XPO4: variants seen among roughly 807,000 people sequenced by gnomAD.
The protein encoded by XPO4 is exportin 4.
Under a neutral mutation model 143.0 loss-of-function variants are expected in XPO4, and 39 were observed. That is an observed-to-expected ratio of 0.27 (90% CI 0.21 to 0.36). The LOEUF is 0.36. XPO4 is among the 10% of genes least tolerant of loss of function. The pLI is 1.00. For synonymous variants in XPO4, 439 were observed against 474.0 expected (o/e 0.93, Z 0.96); for missense variants, 907 against 1,348.0 (o/e 0.67, Z 5.12).
At chr13:20,795,188 T>C (rs1416832461) in intron 18 of XPO4, among the ~76,000 whole-genome samples, 1 of 152,122 alleles carries the variant, frequency 6.6e-6, no homozygotes, top group South Asian at 2.1e-4. Flanking sequence ...GCACAACATA[T>C]AATAGGAGAG....
At chr13:20,850,901 T>C in intron 4 of XPO4, 1 of 985,032 alleles carries the variant, frequency 1.0e-6, no homozygotes, top group Non-Finnish European at 1.2e-6. Flanking sequence ...AAATTAGTTA[T>C]CTAATTTAAT....
At chr13:20,897,889 G>A (rs533189175) in intron 1 of XPO4, among the ~76,000 whole-genome samples, 3 of 152,036 alleles carry the variant, frequency 2.0e-5, no homozygotes, top group African/African-American at 7.2e-5. Context: ...CTGGGATTAC[G>A]TTATAGGTAT....
chr13:20,808,283 A>T (rs1484786822), intron 12 of XPO4, among the ~76,000 whole-genome samples, 153 bp downstream of exon 12: 2 of 152,218 alleles, frequency 1.3e-5, no homozygotes, highest in Non-Finnish European at 2.9e-5. Context: ...AGTATTTTTT[A>T]AAAATGCATC....
chr13:20,790,317 C>T (rs776957833), intron 19 of XPO4, 145 bp downstream of exon 19: 3 of 661,286 alleles, frequency 4.5e-6, no homozygotes, highest in East Asian at 2.7e-5. Context: ...CACAAGTAAC[C>T]GTTAATGAAA....
At chr13:20,898,117 AATG>A (rs1429438077) in intron 1 of XPO4, among the ~76,000 whole-genome samples, 29 of 152,318 alleles carry the variant, frequency 1.9e-4, no homozygotes, top group African/African-American at 7.0e-4. Context: ...CTGATATGAG[AATG>A]AAGACAAAAA....
chr13:20,899,120 G>A (rs962581537), intron 1 of XPO4, among the ~76,000 whole-genome samples: 3 of 152,112 alleles, frequency 2.0e-5, no homozygotes, highest in African/African-American at 7.2e-5. Flanking sequence ...GGATCGGGGG[G>A]ACTTAAGTAT....
chr13:20,855,962 C>T (rs1406586527), intron 3 of XPO4, among the ~76,000 whole-genome samples, 197 bp from the exon 4 acceptor site: 1 of 152,220 alleles, frequency 6.6e-6, no homozygotes, highest in Non-Finnish European at 1.5e-5. Flanking sequence ...GCTGTATGAC[C>T]CTGGGCAAGA....
chr13:20,891,122 T>TAA lies in XPO4; in HGVS notation c.69+11546_69+11547dup, dbSNP rs57528913. On this transcript the variant is annotated intron_variant, in intron 1 of 22. Transcript: ENST00000255305. Reference sequence around the variant, plus strand: ...ACAAGAGCAAAACTCCATCTCAATTTAAAAAAAAAAAAAAAAAAAAAAAAA... The same window carrying TAA: ...ACAAGAGCAAAACTCCATCTCAATTTAAAAAAAAAAAAAAAAAAAAAAAAAAA... 2.6e-3 allele frequency among the ~76,000 whole-genome samples: 226 copies of TAA among 86,006 alleles called. 3 individuals carry two copies. Among genetic ancestry groups the TAA allele is most frequent in the East Asian group, 7.9e-3 (17 of 2,146 alleles). The allele number at this position is 86,006 out of a possible 152,430, so 56.4% of individuals were successfully genotyped here.
intron 9 of XPO4, among the ~76,000 whole-genome samples, chr13:20,814,828 T>C (rs551525021): frequency 5.3e-5 from 8 of 152,348 alleles, no homozygotes; most frequent in East Asian, 1.9e-4. Context: ...CAAATTATGA[T>C]ATCAGCACTT....
At chr13:20,866,291 C>G (rs573936993) in intron 2 of XPO4, 26 of 984,018 alleles carry the variant, frequency 2.6e-5, no homozygotes, top group Non-Finnish European at 3.1e-5. Context: ...AGAATGAAAA[C>G]AAAAGGATAA....
intron 7 of XPO4, among the ~76,000 whole-genome samples, chr13:20,825,296 T>A (rs9315900): frequency 0.093 from 14,204 of 152,224 alleles, 824 homozygotes; most frequent in Non-Finnish European, 0.13. Context: ...TATGCAACAG[T>A]ATACTGATGC....
chr13:20,895,827 A>G lies in XPO4; in HGVS notation c.69+6843T>C, dbSNP rs78752157. On this transcript the variant is annotated intron_variant, in intron 1 of 22. Coordinates refer to ENST00000255305, the MANE Select transcript of XPO4 (RefSeq NM_022459.5). ...AAAAAAGCTATCACATTTTAGATAT[A>G]CCATATTTTTTAAGAGTTCCATAAA... Among the ~76,000 whole-genome samples, 1,454 of 152,242 alleles carry G rather than the reference A, an allele frequency of 9.6e-3. 31 individuals carry two copies. The highest frequency in any genetic ancestry group is 0.033 in the African/African-American group (1,391 of 41,552).
At position 20,781,606 on chromosome 13, in the gene XPO4, A is replaced by G. The variant is rs1022644973; in HGVS notation, c.*2116T>C. 2 of 152,554 alleles carry G rather than the reference A, an allele frequency of 1.3e-5. No homozygotes were observed. Among genetic ancestry groups the G allele is most frequent in the Non-Finnish European group, 2.9e-5 (2 of 68,042 alleles). 9.5% of individuals were successfully genotyped at this position (152,554 alleles called of 1,614,324 possible). A position where few individuals can be genotyped will look rare whatever the true frequency, so the allele number is the denominator to read the frequency against. On this transcript the variant is annotated 3_prime_UTR_variant, in exon 23 of 23. Transcript: ENST00000255305. ...ATTTTGCAAATATGTTGCCATCTGG[A>G]TAAAAGTTATTAAATATAGATGCCT...
chr13:20,897,662 G>A (rs1777998630), intron 1 of XPO4, among the ~76,000 whole-genome samples: 1 of 152,110 alleles, frequency 6.6e-6, no homozygotes. Context: ...ACAAATCAAT[G>A]GCCAGAAATT....
At chr13:20,799,033 A>AAAAG (rs552508976) in intron 16 of XPO4, 132 bp downstream of exon 16, 179 of 992,488 alleles carry the variant, frequency 1.8e-4, no homozygotes, top group African/African-American at 1.6e-3. Context: ...AAAAAAAAAA[A>AAAAG]AAAGAAAGAA....
intron 13 of XPO4, among the ~76,000 whole-genome samples, chr13:20,802,452 CAAAT>C (rs998516312): frequency 4.6e-5 from 7 of 152,110 alleles, no homozygotes; most frequent in African/African-American, 1.4e-4. Flanking sequence ...ACAAAACAAA[CAAAT>C]AAAACCCCAA....
At chr13:20,809,306 T>A in intron 10 of XPO4, 81 bp from the exon 11 acceptor site, 1 of 1,520,478 alleles carries the variant, frequency 6.6e-7, no homozygotes, top group Middle Eastern at 1.7e-4. Context: ...TAACATAGCT[T>A]AGATAGCTAA....
At chr13:20,802,875 C>T (rs1262911188) in intron 13 of XPO4, among the ~76,000 whole-genome samples, 1 of 152,086 alleles carries the variant, frequency 6.6e-6, no homozygotes, top group African/African-American at 2.4e-5. Flanking sequence ...AACTAGACAA[C>T]TGAGCAAAAC....
At chr13:20,873,876 C>T (rs1379023891) in intron 1 of XPO4, among the ~76,000 whole-genome samples, 2 of 152,170 alleles carry the variant, frequency 1.3e-5, no homozygotes, top group African/African-American at 4.8e-5. Context: ...CTACTATTAA[C>T]AACAACATCT....
Sources: gnomAD v4.1 joint callset for allele counts (sites outside exome capture counted in the v4.1 genomes callset) on GRCh38, gnomAD v4.1.1 for gene constraint, MANE v1.5 for transcripts, NCBI Gene and HGNC (gene_info 2026-07-23, HGNC 2026-07-21) for gene names.